The following CFAP299 variants were observed in gnomAD, a reference collection of about 807,000 sequenced individuals.
CFAP299 encodes the protein cilia and flagella associated protein 299, also known as cilia- and flagella-associated protein 299.
CFAP299 carries 21 observed loss-of-function variants against 27.0 expected under a neutral mutation model. The ratio of observed to expected loss-of-function variants is 0.78; its 90% CI spans 0.55 to 1.12. CFAP299 has a LOEUF of 1.12. Ranked by LOEUF, CFAP299 falls within the 50% of genes most tolerant of loss-of-function variation. The pLI is 0.00. For missense variants in CFAP299, 310 were observed against 276.6 expected, an observed-to-expected ratio of 1.12 and a Z score of -0.86; for synonymous variants, 104 against 98.1, an observed-to-expected ratio of 1.06 and a Z score of -0.36.
intron 3 of CFAP299, among the ~76,000 whole-genome samples, chr4:80,591,600 A>G (rs1736796015): frequency 6.6e-6 from 1 of 152,070 alleles, no homozygotes; most frequent in South Asian, 2.1e-4. Flanking sequence ...TAGATGATCA[A>G]TTACTATTGA....
At chr4:80,832,386 A>G (rs1452073670) in intron 3 of CFAP299, among the ~76,000 whole-genome samples, 1 of 152,160 alleles carries the variant, frequency 6.6e-6, no homozygotes, top group Non-Finnish European at 1.5e-5. Context: ...TTGAAATGCT[A>G]CATGTAAATT....
intron 4 of CFAP299, among the ~76,000 whole-genome samples, chr4:80,923,373 A>C (rs1176709130): frequency 6.6e-6 from 1 of 151,992 alleles, no homozygotes; most frequent in East Asian, 1.9e-4. Context: ...GTCGTCTCTT[A>C]GTGTATATAT....
intron 3 of CFAP299, among the ~76,000 whole-genome samples, chr4:80,779,634 G>A (rs914637161): frequency 1.3e-5 from 2 of 151,654 alleles, no homozygotes; most frequent in African/African-American, 2.4e-5. Context: ...ACAGGCTGTG[G>A]TCTTCTTAAC....
intron 3 of CFAP299, among the ~76,000 whole-genome samples, chr4:80,763,271 T>C (rs1284442156): frequency 1.3e-5 from 2 of 152,160 alleles, no homozygotes; most frequent in African/African-American, 4.8e-5. Flanking sequence ...GGATACAAAA[T>C]TAATATGCAA....
chr4:80,900,663 T>G (rs1239263638), intron 4 of CFAP299, among the ~76,000 whole-genome samples: 2 of 151,924 alleles, frequency 1.3e-5, no homozygotes, highest in Non-Finnish European at 1.5e-5. Context: ...CTAAAAGTAA[T>G]AAGAAGCAAA....
At chr4:80,572,768 G>A (rs1188620037) in intron 2 of CFAP299, among the ~76,000 whole-genome samples, 1 of 151,566 alleles carries the variant, frequency 6.6e-6, no homozygotes, top group Non-Finnish European at 1.5e-5. Flanking sequence ...CCGCCCACCT[G>A]GGCCTCCCAA....
In CFAP299 at chr4:80,362,775, T is replaced by C. The variant is rs1303106477; in HGVS notation, c.133T>C (p.Leu45=). 2 of 1,606,962 alleles carry C rather than the reference T, an allele frequency of 1.2e-6. No homozygotes were observed. Among genetic ancestry groups the C allele is most frequent in the East Asian group, 2.2e-5 (1 of 44,566 alleles). ...YLEDETLARQ[L]VELGYRGTGE... is the part of the protein sequence containing the mutation. Reference sequence around the variant, plus strand: ...CTAGGATGAAACCCTGGCCCGCCAGTTGGTGGAGCTAGGCTACCGAGGGAC... The same window carrying C: ...CTAGGATGAAACCCTGGCCCGCCAGCTGGTGGAGCTAGGCTACCGAGGGAC... The change falls in exon 2 of 6, where the codon TTG becomes CTG. Residue 45 remains leucine (L), a synonymous_variant. Coordinates refer to ENST00000358105, the MANE Select transcript of CFAP299 (RefSeq NM_152770.3).
chr4:80,392,758 A>G (rs1725556228), intron 2 of CFAP299, among the ~76,000 whole-genome samples: 1 of 150,294 alleles, frequency 6.7e-6, no homozygotes, highest in South Asian at 2.1e-4. Flanking sequence ...TACAGACCCT[A>G]TCTCAAAAAT....
rs144478769 is a variant in CFAP299 at position 80,587,631 on chromosome 4, T to G, written c.333+4448T>G. ...TTTCTGAGACAGTGCCTTGCTCTGT[T>G]GCCCAGGTTGGAGCGCAGTGGTACC... On this transcript the variant is annotated intron_variant, in intron 3 of 5. Coordinates refer to ENST00000358105, the MANE Select transcript of CFAP299 (RefSeq NM_152770.3). 1.2e-3 allele frequency among the ~76,000 whole-genome samples: 187 copies of G among 152,296 alleles called. 1 individual carries two copies. The highest frequency in any genetic ancestry group is 4.3e-3 in the African/African-American group (177 of 41,572).
intron 2 of CFAP299, among the ~76,000 whole-genome samples, chr4:80,370,284 C>T (rs2110007907): frequency 6.6e-6 from 1 of 152,294 alleles, no homozygotes; most frequent in African/African-American, 2.4e-5. Flanking sequence ...CCTTTCTTCA[C>T]TGGGGATTAC....
chr4:80,425,779 T>C (rs73829282), intron 2 of CFAP299, among the ~76,000 whole-genome samples: 119 of 152,220 alleles, frequency 7.8e-4, no homozygotes, highest in African/African-American at 2.7e-3. Context: ...TTTTGTGGAG[T>C]TGTTAGTAAA....
At chr4:80,860,507 T>C (rs891910147) in intron 3 of CFAP299, among the ~76,000 whole-genome samples, 5 of 152,194 alleles carry the variant, frequency 3.3e-5, no homozygotes, top group Admixed American at 2.0e-4. Flanking sequence ...TTGCCATTTT[T>C]TCTGCTCTGT....
At chr4:80,659,016 A>C (rs1195816155) in intron 3 of CFAP299, among the ~76,000 whole-genome samples, 1 of 152,168 alleles carries the variant, frequency 6.6e-6, no homozygotes, top group South Asian at 2.1e-4. Flanking sequence ...GACCATGCCA[A>C]AAGTTAAAGA....
At chr4:80,795,737 A>C (rs1443593996) in intron 3 of CFAP299, among the ~76,000 whole-genome samples, 2 of 152,168 alleles carry the variant, frequency 1.3e-5, no homozygotes, top group Admixed American at 6.6e-5. Context: ...GTCAGAAAGC[A>C]CCTAGTTCAT....
At chr4:80,828,066 G>A (rs1053798536) in intron 3 of CFAP299, among the ~76,000 whole-genome samples, 1 of 151,892 alleles carries the variant, frequency 6.6e-6, no homozygotes, top group African/African-American at 2.4e-5. Context: ...AAATAAGAAG[G>A]CATCCCATGT....
intron 1 of CFAP299, among the ~76,000 whole-genome samples, chr4:80,341,988 T>C (rs1722481459): frequency 6.6e-6 from 1 of 152,096 alleles, no homozygotes; most frequent in South Asian, 2.1e-4. Flanking sequence ...ACTGACCTGA[T>C]GGAGATGAAA....
At chr4:80,667,722 T>C (rs1741213463) in intron 3 of CFAP299, among the ~76,000 whole-genome samples, 1 of 152,192 alleles carries the variant, frequency 6.6e-6, no homozygotes, top group Non-Finnish European at 1.5e-5. Context: ...CACTCATTCA[T>C]TGATGGGCAC....
chr4:80,760,489 CTT>C (rs1387633527), intron 3 of CFAP299, among the ~76,000 whole-genome samples: 1 of 152,152 alleles, frequency 6.6e-6, no homozygotes, highest in Non-Finnish European at 1.5e-5. Context: ...CTCACACTAA[CTT>C]TAACCAAGAG....
chr4:80,375,379 G>A (rs753375561), intron 2 of CFAP299, among the ~76,000 whole-genome samples: 1 of 152,166 alleles, frequency 6.6e-6, no homozygotes, highest in Non-Finnish European at 1.5e-5. Flanking sequence ...CCCCTTGAAT[G>A]GCATGGCATC....
Sources: allele counts gnomAD v4.1 joint callset (sites outside exome capture counted in the v4.1 genomes callset), GRCh38; gene constraint gnomAD v4.1.1; transcripts MANE v1.5; gene names NCBI Gene and HGNC (gene_info 2026-07-23, HGNC 2026-07-21).